Variants in PTPRD observed in about 807,000 individuals in gnomAD.
The protein encoded by PTPRD is protein tyrosine phosphatase receptor type D.
PTPRD carries 34 observed loss-of-function variants against 214.5 expected under a neutral mutation model. The ratio of observed to expected loss-of-function variants is 0.16; its 90% CI spans 0.12 to 0.21. PTPRD has a LOEUF of 0.21. PTPRD is among the 10% of genes least tolerant of loss of function. PTPRD has a pLI of 1.00. For missense variants in PTPRD, 2,545 were observed against 2,398.7 expected (o/e 1.06, Z -1.27); for synonymous variants, 1,128 against 845.7 (o/e 1.33, Z -5.79).
In PTPRD at chr9:9,759,636, C is replaced by A. The variant is rs1034650834; in HGVS notation, c.-326+7174G>T. ...GTAGTGACGCGATCTCAGCTCACTG[C>A]AACCTCTACCTCCCAGGTTCAAGCA... On this transcript the variant is annotated intron_variant, in intron 6 of 45. Coordinates refer to ENST00000381196, the MANE Select transcript of PTPRD (RefSeq NM_002839.4). 3.4e-5 allele frequency among the ~76,000 whole-genome samples: 5 copies of A among 147,070 alleles called. No individual in the cohort carries two copies. The Admixed American group carries it at 3.5e-4, about 10-fold the overall frequency.
chr9:9,872,825 G>A (rs1234917260), intron 5 of PTPRD, among the ~76,000 whole-genome samples: 1 of 152,062 alleles, frequency 6.6e-6, no homozygotes, highest in Non-Finnish European at 1.5e-5. Context: ...AGAGAAGATG[G>A]AGGAGAGGCA....
intron 5 of PTPRD, among the ~76,000 whole-genome samples, chr9:9,810,093 A>C (rs2046660660): frequency 6.7e-6 from 1 of 149,472 alleles, no homozygotes; most frequent in Non-Finnish European, 1.5e-5. Flanking sequence ...CTCAGTGTAA[A>C]GATGAAGATG....
At chr9:8,556,225 T>C (rs1367461767) in intron 14 of PTPRD, among the ~76,000 whole-genome samples, 1 of 152,212 alleles carries the variant, frequency 6.6e-6, no homozygotes, top group African/African-American at 2.4e-5. Context: ...ATAAGTCTGG[T>C]CTCTTAGGCA....
rs77011224 is a variant in PTPRD at position 10,246,173 on chromosome 9, A to T, written c.-545+94790T>A. On this transcript the variant is annotated intron_variant, in intron 3 of 45. Coordinates refer to ENST00000381196, the MANE Select transcript of PTPRD (RefSeq NM_002839.4). ...CTAGATATAAAAGCTTTGGAAATGT[A>T]TTTAAGTTTTTAAAGTATGAGTCTC... Among the ~76,000 whole-genome samples, 1,236 of 152,266 alleles carry T rather than the reference A, an allele frequency of 8.1e-3. 19 individuals are homozygous for T. Among genetic ancestry groups the T allele is most frequent in the African/African-American group, 0.028 (1,152 of 41,538 alleles).
In PTPRD at chr9:8,917,272, G is replaced by T. The variant is rs2098793402; in HGVS notation, c.-104+101425C>A. Reference sequence around the variant, plus strand: ...GCCTCCCGAGTAGCTGGGATTACAGGTGCCCACCACCAGCCCAGCTAATTT... The same window carrying T: ...GCCTCCCGAGTAGCTGGGATTACAGTTGCCCACCACCAGCCCAGCTAATTT... On this transcript the variant is annotated intron_variant, in intron 11 of 45. Coordinates refer to ENST00000381196, the MANE Select transcript of PTPRD (RefSeq NM_002839.4). 2.0e-5 allele frequency among the ~76,000 whole-genome samples: 3 copies of T among 147,224 alleles called. No individual in the cohort carries two copies. The South Asian group carries it at 6.7e-4, about 33-fold the overall frequency.
chr9:10,551,196 A>C (rs1288186721), intron 2 of PTPRD, among the ~76,000 whole-genome samples: 1 of 152,010 alleles, frequency 6.6e-6, no homozygotes, highest in Non-Finnish European at 1.5e-5. Flanking sequence ...AAAAGTAGCC[A>C]TGTATCATGT....
At chr9:10,390,952 C>G (rs2098049863) in intron 2 of PTPRD, among the ~76,000 whole-genome samples, 1 of 151,816 alleles carries the variant, frequency 6.6e-6, no homozygotes, top group Non-Finnish European at 1.5e-5. Context: ...CCCCAGCTAA[C>G]AGTCACCAGA....
At chr9:9,777,987 G>C (rs1338847554) in intron 5 of PTPRD, among the ~76,000 whole-genome samples, 1 of 152,194 alleles carries the variant, frequency 6.6e-6, no homozygotes, top group Non-Finnish European at 1.5e-5. Flanking sequence ...TCCAAGAATA[G>C]GACTAGCACT....
intron 8 of PTPRD, among the ~76,000 whole-genome samples, chr9:9,557,809 C>A (rs972771414): frequency 6.6e-6 from 1 of 152,146 alleles, no homozygotes; most frequent in Non-Finnish European, 1.5e-5. Flanking sequence ...CCTGGTCCAG[C>A]CCATGCTGAA....
intron 6 of PTPRD, among the ~76,000 whole-genome samples, chr9:9,751,825 C>T (rs907148691): frequency 1.1e-4 from 17 of 151,936 alleles, no homozygotes; most frequent in Non-Finnish European, 2.2e-4. Flanking sequence ...TACTACTTTG[C>T]AATAGCAGGC....
chr9:8,498,988 A>G (rs1338766072), intron 25 of PTPRD, among the ~76,000 whole-genome samples: 1 of 152,184 alleles, frequency 6.6e-6, no homozygotes, highest in Non-Finnish European at 1.5e-5. Flanking sequence ...CCCTAAGATC[A>G]ATACAATTTC....
At chr9:9,552,463 TA>T (rs2080521778) in intron 8 of PTPRD, among the ~76,000 whole-genome samples, 1 of 152,110 alleles carries the variant, frequency 6.6e-6, no homozygotes, top group Non-Finnish European at 1.5e-5. Context: ...GACTATTAAA[TA>T]ATTTTAACTT....
In PTPRD at chr9:9,145,121, A is replaced by G. The variant is rs1041471394; in HGVS notation, c.-143+38183T>C. On this transcript the variant is annotated intron_variant, in intron 10 of 45. Transcript: ENST00000381196. ...TAATTAGGTTAAAGTTGTGGCTTAT[A>G]TACTGTTTTTCCTTAAGAATCTAAG... 2.6e-5 allele frequency among the ~76,000 whole-genome samples: 4 copies of G among 152,228 alleles called. No individual in the cohort carries two copies. In the East Asian group the frequency reaches 7.7e-4, roughly 29 times the overall value.
chr9:9,418,267 G>A (rs192368757), intron 8 of PTPRD, among the ~76,000 whole-genome samples: 20 of 151,950 alleles, frequency 1.3e-4, no homozygotes, highest in African/African-American at 3.9e-4. Context: ...AAGGCCAACT[G>A]GGTTTTCTGC....
chr9:9,928,650 T>G (rs762061649), intron 5 of PTPRD, among the ~76,000 whole-genome samples: 2 of 152,136 alleles, frequency 1.3e-5, no homozygotes, highest in Non-Finnish European at 2.9e-5. Flanking sequence ...ATCTGAATAT[T>G]TTATTTGTAA....
chr9:10,471,317 T>G (rs1305168272), intron 2 of PTPRD, among the ~76,000 whole-genome samples: 1 of 152,018 alleles, frequency 6.6e-6, no homozygotes, highest in African/African-American at 2.4e-5. Context: ...AAAATAAAAT[T>G]ATAAAATGTC....
chr9:9,274,623 C>T (rs973939250), intron 9 of PTPRD, among the ~76,000 whole-genome samples: 2 of 151,064 alleles, frequency 1.3e-5, no homozygotes, highest in Non-Finnish European at 3.0e-5. Flanking sequence ...TTTCTTTTTC[C>T]ACCCTCTGGC....
In PTPRD at chr9:9,226,283, T is replaced by C. The variant is rs1348044252; in HGVS notation, c.-202-42920A>G. ...GGCAAGACTGGTGGGACATGCTTGC[T>C]GGCCTCAGATCAAAGCTATTATTTG... On this transcript the variant is annotated intron_variant, in intron 9 of 45. Transcript: ENST00000381196. Among the ~76,000 whole-genome samples, 3 of 151,868 alleles carry C rather than the reference T, an allele frequency of 2.0e-5. No homozygotes were observed. The East Asian group carries it at 5.8e-4, about 29-fold the overall frequency.
chr9:10,300,804 G>A (rs377380201), intron 3 of PTPRD, among the ~76,000 whole-genome samples: 15 of 152,138 alleles, frequency 9.9e-5, no homozygotes, highest in African/African-American at 1.9e-4. Flanking sequence ...CCCTGAGACC[G>A]AGCACCTGGG....
Sources: allele counts gnomAD v4.1 joint callset (sites outside exome capture counted in the v4.1 genomes callset), GRCh38; gene constraint gnomAD v4.1.1; transcripts MANE v1.5; gene names NCBI Gene and HGNC (gene_info 2026-07-23, HGNC 2026-07-21).